JAK1: variants seen among roughly 807,000 people sequenced by gnomAD.
JAK1 encodes Janus kinase 1.
In JAK1, 16 loss-of-function variants were observed where a neutral mutation model predicts 136.6. That is an observed-to-expected ratio of 0.12 (90% CI 0.08 to 0.18). The LOEUF is 0.18. JAK1 is among the 10% of genes least tolerant of loss of function. JAK1 has a pLI of 1.00. For missense variants in JAK1, 859 were observed against 1,450.1 expected (o/e 0.59, Z 6.62); for synonymous variants, 492 against 519.5 (o/e 0.95, Z 0.72).
chr1:64,975,417 T>G (rs772116114), intron 2 of JAK1, among the ~76,000 whole-genome samples: 2 of 152,178 alleles, frequency 1.3e-5, no homozygotes, highest in Non-Finnish European at 2.9e-5. Context: ...ACTTTCATGG[T>G]GGCCACATTT....
intron 19 of JAK1, 78 bp downstream of exon 19, chr1:64,841,167 A>T: frequency 9.8e-7 from 1 of 1,018,076 alleles, no homozygotes; most frequent in Non-Finnish European, 1.5e-6. Flanking sequence ...AATGGAGAGC[A>T]GCTGTACGTG....
At chr1:64,856,914 T>G (rs559735788) in intron 10 of JAK1, among the ~76,000 whole-genome samples, 4 of 152,216 alleles carry the variant, frequency 2.6e-5, no homozygotes, top group Admixed American at 6.5e-5. Context: ...GGTCTCCCCA[T>G]GCATGTGGAG....
At chr1:64,894,218 T>A (rs1429819724) in intron 1 of JAK1, among the ~76,000 whole-genome samples, 1 of 152,178 alleles carries the variant, frequency 6.6e-6, no homozygotes. Context: ...TCAAGCCACC[T>A]CTGTATGTTT....
chr1:64,902,581 A>AGG (rs1394514935), intron 1 of JAK1, among the ~76,000 whole-genome samples: 1 of 14,764 alleles, frequency 6.8e-5, no homozygotes, highest in South Asian at 6.5e-3. Context: ...AGAGAGAGAG[A>AGG]GAGTGTGTGT....
chr1:64,868,808 C>T (rs565657572), intron 6 of JAK1, among the ~76,000 whole-genome samples: 4 of 152,186 alleles, frequency 2.6e-5, no homozygotes, highest in African/African-American at 7.2e-5. Context: ...TGATCTCAAA[C>T]GATATTTTTA....
In JAK1 at chr1:64,864,847, G is replaced by A. The variant is rs2101102122; in HGVS notation, c.1116C>T (p.Ile372=). 2 of 1,613,864 alleles carry A rather than the reference G, an allele frequency of 1.2e-6. No individual in the cohort carries two copies. The highest frequency in any genetic ancestry group is 1.7e-6 in the Non-Finnish European group (2 of 1,179,796). The change falls in exon 8 of 25, where the codon ATC becomes ATT. Residue 372 remains isoleucine, a synonymous_variant. Transcript: ENST00000342505. The part of the protein sequence containing the change: ...EWNNFSYFPE[I]THIVIKESVV... ...CAGACTCCTTTATTACAATGTGAGT[G>A]ATTTCAGGGAAGTAAGAAAAATTGT...
At chr1:64,834,723 A>G in intron 24 of JAK1, 66 bp from the exon 25 acceptor site, 2 of 1,009,898 alleles carry the variant, frequency 2.0e-6, no homozygotes. Context: ...AATAACAGAA[A>G]TATCAAGAGT....
chr1:64,919,575 C>A (rs1645460929), intron 1 of JAK1, among the ~76,000 whole-genome samples: 1 of 152,132 alleles, frequency 6.6e-6, no homozygotes, highest in African/African-American at 2.4e-5. Flanking sequence ...AGTTCTAGAT[C>A]CCTGAGGAAT....
At chr1:64,926,649 G>T (rs1387153451) in intron 1 of JAK1, among the ~76,000 whole-genome samples, 2 of 152,154 alleles carry the variant, frequency 1.3e-5, no homozygotes, top group East Asian at 1.9e-4. Context: ...TACACATTTT[G>T]TTTAATCCAC....
upstream of JAK1, among the ~76,000 whole-genome samples, chr1:64,971,534 A>G (rs1317153113): frequency 3.3e-5 from 5 of 149,628 alleles, no homozygotes; most frequent in Non-Finnish European, 7.4e-5. Flanking sequence ...ACGCGGTTTC[A>G]TCATGTTGCC....
chr1:64,846,787 G>A, intron 13 of JAK1, 51 bp from the exon 14 acceptor site: 1 of 1,415,198 alleles, frequency 7.1e-7, no homozygotes, highest in Non-Finnish European at 9.9e-7. Flanking sequence ...CCAGGGGGCT[G>A]CTCCCCAGGG....
Position 65,024,660 on chromosome 1 carries a change from C to CAAAAAAAAAAAAAA in JAK1, c.-78+19806_-78+19819dup, listed in dbSNP as rs11349903. ...GCTTCAAGAATGGCCTGGTCCAAAG[C>CAAAAAAAAAAAAAA]AAAAAAAAAAAAAAAAAAAAGAAAG... On this transcript the variant is annotated intron_variant, in intron 2 of 25. Transcript: ENST00000671954. Among the ~76,000 whole-genome samples, 197 of 69,170 alleles carry CAAAAAAAAAAAAAA rather than the reference C, an allele frequency of 2.8e-3. 1 individual carries two copies. The highest frequency in any genetic ancestry group is 3.7e-3 in the East Asian group (10 of 2,672). The allele number at this position is 69,170 out of a possible 152,430, so 45.4% of individuals were successfully genotyped here. A position where few individuals can be genotyped will look rare whatever the true frequency, so the allele number is the denominator to read the frequency against.
intron 20 of JAK1, among the ~76,000 whole-genome samples, chr1:64,838,876 T>C (rs996262280): frequency 1.2e-4 from 18 of 152,044 alleles, no homozygotes; most frequent in African/African-American, 4.1e-4. Context: ...CTGGGCGCGG[T>C]GGCTCACGCT....
At position 64,984,574 on chromosome 1, in the gene JAK1, C is replaced by G. The variant is rs1646580136; in HGVS notation, c.-78+59906G>C. The G allele has an allele frequency of 2.6e-6, 1 of 378,406 alleles. No homozygotes were observed. 23.4% of individuals were successfully genotyped at this position (378,406 alleles called of 1,614,324 possible). Reference sequence around the variant, plus strand: ...CCCTCATTCAGGGAGGTGGCTTTCCCTTGCTGGGAGGGAGGTTGAAGGAGG... The same window carrying G: ...CCCTCATTCAGGGAGGTGGCTTTCCGTTGCTGGGAGGGAGGTTGAAGGAGG... On this transcript the variant is annotated intron_variant, in intron 2 of 25. Coordinates refer to the JAK1 transcript ENST00000671954. This position sits in a 1 kb window ranked among gnomAD's most constrained non-coding sequence, Gnocchi z 4.1.
intron 1 of JAK1, among the ~76,000 whole-genome samples, chr1:65,048,182 A>G (rs1320737217): frequency 1.4e-5 from 2 of 147,448 alleles, no homozygotes; most frequent in Admixed American, 1.4e-4. Context: ...GCTGATAAGA[A>G]TCTGTGGAAA....
chr1:64,854,124 A>C (rs1317407194), intron 11 of JAK1, among the ~76,000 whole-genome samples: 1 of 152,202 alleles, frequency 6.6e-6, no homozygotes, highest in African/African-American at 2.4e-5. Flanking sequence ...CAAGAACACA[A>C]GTCCCTCCTC....
chr1:64,895,757 A>G (rs779237749), intron 1 of JAK1, among the ~76,000 whole-genome samples: 1 of 152,256 alleles, frequency 6.6e-6, no homozygotes, highest in Non-Finnish European at 1.5e-5. Context: ...TGTAGAAACT[A>G]TACCCACAAA....
In JAK1 at chr1:65,065,540, G is replaced by C. The variant is rs180700118; in HGVS notation, c.-181+2064C>G. ...AGGGTCGACTGGTAAGCAGAATAAA[G>C]GGATTATAAAGCTAGGAGGCTTTTA... On this transcript the variant is annotated intron_variant, in intron 1 of 25. Transcript: ENST00000671954. Among the ~76,000 whole-genome samples, 893 of 151,956 alleles carry C rather than the reference G, an allele frequency of 5.9e-3. 7 individuals are homozygous for C. The highest frequency in any genetic ancestry group is 7.2e-3 in the Non-Finnish European group (489 of 67,976).
In JAK1 at chr1:64,841,609, C is replaced by G; in HGVS notation, c.2404-8G>C. On this transcript the variant is annotated splice_polypyrimidine_tract_variant and splice_region_variant and intron_variant, in intron 17 of 24. Transcript: ENST00000342505. Reference sequence around the variant, plus strand: ...TTCATAGAATCTCTCTTTCTGTAAACAAGAGGGGCACATGGAAGAAACCAA... The same window carrying G: ...TTCATAGAATCTCTCTTTCTGTAAAGAAGAGGGGCACATGGAAGAAACCAA... The G allele has an allele frequency of 1.2e-6, 2 of 1,613,440 alleles. No homozygotes were observed. The highest frequency in any genetic ancestry group is 8.5e-7 in the Non-Finnish European group (1 of 1,180,018).
Sources: allele counts gnomAD v4.1 joint callset (sites outside exome capture counted in the v4.1 genomes callset), GRCh38; gene constraint gnomAD v4.1.1; non-coding constraint Gnocchi (gnomAD v3.1); transcripts MANE v1.5; gene names NCBI Gene and HGNC (gene_info 2026-07-23, HGNC 2026-07-21).